DOCK1: variants seen among roughly 807,000 people sequenced by gnomAD.
DOCK1 encodes dedicator of cytokinesis 1, also known as dedicator of cytokinesis protein 1.
DOCK1 carries 138 observed loss-of-function variants against 262.7 expected under a neutral mutation model. The observed-to-expected ratio is 0.53, with a 90% CI of 0.46 to 0.61. The LOEUF (loss-of-function observed/expected upper bound fraction) is 0.61, where lower values mean the gene tolerates loss of function less well. DOCK1 is among the 20% of genes least tolerant of loss of function. The pLI is 0.00. For missense variants in DOCK1, 1,908 were observed against 2,370.7 expected, an observed-to-expected ratio of 0.80 and a Z score of 4.05; for synonymous variants, 866 against 867.4, an observed-to-expected ratio of 1.00 and a Z score of 0.03.
chr10:127,367,042 G>A (rs1463165063), intron 33 of DOCK1, among the ~76,000 whole-genome samples: 2 of 152,188 alleles, frequency 1.3e-5, no homozygotes, highest in East Asian at 1.9e-4. Context: ...ATGTCCAGGT[G>A]TATTTTACTC....
intron 29 of DOCK1, among the ~76,000 whole-genome samples, chr10:127,264,702 C>CAGA (rs1398382833): frequency 2.6e-5 from 4 of 151,964 alleles, no homozygotes; most frequent in African/African-American, 9.7e-5. Context: ...ACTCTGTTGT[C>CAGA]CAGGCTGGAG....
At chr10:127,273,385 T>G (rs1369334351) in intron 29 of DOCK1, among the ~76,000 whole-genome samples, 1 of 152,186 alleles carries the variant, frequency 6.6e-6, no homozygotes, top group Non-Finnish European at 1.5e-5. Context: ...AGGTGGCAGC[T>G]TTAGCTCAGA....
chr10:127,211,616 T>G (rs755181583), intron 27 of DOCK1, among the ~76,000 whole-genome samples: 4 of 152,216 alleles, frequency 2.6e-5, no homozygotes, highest in African/African-American at 9.6e-5. Flanking sequence ...AAGACATTGA[T>G]TTTTTCTTCA....
rs575009114 is a variant in DOCK1 at position 127,082,652 on chromosome 10, G to C, written c.2445+20876G>C. 3.9e-5 allele frequency among the ~76,000 whole-genome samples: 6 copies of C among 152,032 alleles called. No individual in the cohort carries two copies. The East Asian group carries it at 1.2e-3, about 30-fold the overall frequency. On this transcript the variant is annotated intron_variant, in intron 23 of 51. Coordinates refer to ENST00000623213, the MANE Select transcript of DOCK1 (RefSeq NM_001290223.2). ...GAGCTACAATTAAAGATGCAATTTGGGTGGGGAGACAGCCCAAACCATATC... is the reference window on the plus strand; with the variant it reads ...GAGCTACAATTAAAGATGCAATTTGCGTGGGGAGACAGCCCAAACCATATC...
At chr10:127,371,928 A>G (rs879864778) in intron 33 of DOCK1, among the ~76,000 whole-genome samples, 2 of 152,166 alleles carry the variant, frequency 1.3e-5, no homozygotes, top group African/African-American at 2.4e-5. Context: ...AAAATCGTTA[A>G]TGTGAGATTT....
intron 1 of DOCK1, among the ~76,000 whole-genome samples, chr10:126,968,269 G>T (rs11018080): frequency 0.64 from 97,014 of 151,624 alleles, 32,081 homozygotes; most frequent in African/African-American, 0.8. Context: ...TGCAAGGCTG[G>T]CTTTTAATTT....
At chr10:127,111,975 C>T (rs1219670829) in intron 25 of DOCK1, among the ~76,000 whole-genome samples, 11 of 149,778 alleles carry the variant, frequency 7.3e-5, no homozygotes, top group Non-Finnish European at 1.5e-4. Flanking sequence ...CATTTAGTTT[C>T]TTTGAATAAG....
At chr10:126,918,755 A>G (rs2032810330) in intron 1 of DOCK1, among the ~76,000 whole-genome samples, 2 of 152,294 alleles carry the variant, frequency 1.3e-5, no homozygotes, top group South Asian at 4.1e-4. Flanking sequence ...ACTCATGGTA[A>G]ACACTCAACA....
chr10:127,404,246 A>G (rs2067383497), intron 39 of DOCK1, 79 bp from the exon 40 acceptor site: 12 of 1,275,620 alleles, frequency 9.4e-6, no homozygotes, highest in Non-Finnish European at 1.3e-5. Flanking sequence ...CAGAGCTTTT[A>G]AAGAGCCCGC....
chr10:127,068,713 A>G (rs1330458105), intron 23 of DOCK1, among the ~76,000 whole-genome samples: 1 of 152,212 alleles, frequency 6.6e-6, no homozygotes, highest in East Asian at 1.9e-4. Flanking sequence ...ATTATCCTAT[A>G]TATATACACA....
At chr10:126,917,281 T>C (rs2134064847) in intron 1 of DOCK1, among the ~76,000 whole-genome samples, 1 of 152,330 alleles carries the variant, frequency 6.6e-6, no homozygotes, top group African/African-American at 2.4e-5. Context: ...AGAAATCTCT[T>C]TGGGTTTGGG....
Position 127,280,280 on chromosome 10 carries a change from C to T in DOCK1, c.3044+22851C>T, listed in dbSNP as rs374242686. ...CCATCTCCTGACCTCGTGATCCGCC[C>T]GCCTCGGCCTCCCAAAGTGCTGGGA... is the stretch of plus-strand genomic sequence containing the variant. On this transcript the variant is annotated intron_variant, in intron 29 of 51. Coordinates refer to ENST00000623213, the MANE Select transcript of DOCK1 (RefSeq NM_001290223.2). 6.6e-5 allele frequency among the ~76,000 whole-genome samples: 10 copies of T among 151,880 alleles called. No homozygotes were observed. In the South Asian group the frequency reaches 8.3e-4, roughly 13 times the overall value.
intron 2 of DOCK1, among the ~76,000 whole-genome samples, chr10:126,972,739 T>C (rs750582872): frequency 6.6e-5 from 10 of 151,874 alleles, no homozygotes; most frequent in Admixed American, 2.6e-4. Flanking sequence ...TACTAACAGA[T>C]CCATGTTCAT....
chr10:126,940,162 C>A (rs2034879838), intron 1 of DOCK1, among the ~76,000 whole-genome samples: 1 of 152,172 alleles, frequency 6.6e-6, no homozygotes, highest in Non-Finnish European at 1.5e-5. Context: ...GAAATTTGCC[C>A]TGTGAATTAA....
chr10:126,987,229 A>G (rs2039467775), intron 4 of DOCK1, among the ~76,000 whole-genome samples: 1 of 152,274 alleles, frequency 6.6e-6, no homozygotes, highest in African/African-American at 2.4e-5. Flanking sequence ...AGACCTTGAC[A>G]TTCTGTAGAC....
At chr10:127,285,491 T>G (rs1387010238) in intron 29 of DOCK1, among the ~76,000 whole-genome samples, 2 of 152,226 alleles carry the variant, frequency 1.3e-5, no homozygotes, top group African/African-American at 4.8e-5. Flanking sequence ...TGCCCATATC[T>G]TCTCTCTTCA....
intron 7 of DOCK1, among the ~76,000 whole-genome samples, chr10:126,997,426 A>T (rs1222355272): frequency 6.6e-6 from 1 of 152,110 alleles, no homozygotes; most frequent in Admixed American, 6.6e-5. Context: ...CAGGAATCTT[A>T]TAATTATGGT....
chr10:127,123,644 TG>T (rs1410349220), intron 25 of DOCK1, among the ~76,000 whole-genome samples: 3 of 152,214 alleles, frequency 2.0e-5, no homozygotes, highest in Non-Finnish European at 2.9e-5. Flanking sequence ...GGAAATAGTG[TG>T]TCCCATGTGT....
In DOCK1 at chr10:127,042,682, G is replaced by A. The variant is rs759611299; in HGVS notation, c.2068G>A (p.Glu690Lys). 22 of 1,614,048 alleles carry A rather than the reference G, an allele frequency of 1.4e-5. No individual in the cohort carries two copies. The highest frequency in any genetic ancestry group is 1.5e-5 in the Non-Finnish European group (18 of 1,180,030). The change falls in exon 20 of 52, where the codon GAG becomes AAG. Residue 690 changes from glutamate (E) to lysine (K), a missense_variant. By Grantham distance (56) the Glu-to-Lys change is moderately conservative (BLOSUM62 1). Around this residue, in one of 9 missense-constraint regions of DOCK1, gnomAD observed 294 missense variants for 439.9 expected, o/e 0.67. Transcript: ENST00000623213. ...CATCATGATGGAGAACTCAGAGAGT[G>A]AGACTTTTGACACGTTAGTCTTTGA... ...FNIMMENSES[E>K]TFDTLVFDAL...
Sources: gnomAD v4.1 joint callset for allele counts (sites outside exome capture counted in the v4.1 genomes callset) on GRCh38, gnomAD v4.1.1 for gene constraint, gnomAD v4.1.1 regional missense constraint, MANE v1.5 for transcripts, NCBI Gene and HGNC (gene_info 2026-07-23, HGNC 2026-07-21) for gene names.